RAD51B: variants seen among roughly 807,000 people sequenced by gnomAD.
RAD51B encodes RAD51 paralog B, also known as DNA repair protein RAD51 homolog 2.
RAD51B carries 38 observed loss-of-function variants against 42.2 expected under a neutral mutation model. That is an observed-to-expected ratio of 0.90 (90% CI 0.70 to 1.18). The LOEUF (loss-of-function observed/expected upper bound fraction) is 1.18, where lower values mean the gene tolerates loss of function less well. Ranked by LOEUF, RAD51B falls within the 50% of genes most tolerant of loss-of-function variation. The probability of loss-of-function intolerance (pLI) is 0.00; values close to 1 mark genes in which losing one functional copy is unlikely to be tolerated. For missense variants in RAD51B, 373 were observed against 400.7 expected, an observed-to-expected ratio of 0.93 and a Z score of 0.59; for synonymous variants, 154 against 145.2, an observed-to-expected ratio of 1.06 and a Z score of -0.43.
intron 11 of RAD51B, among the ~76,000 whole-genome samples, chr14:68,661,489 C>G (rs1263064675): frequency 1.3e-5 from 2 of 152,168 alleles, no homozygotes; most frequent in Non-Finnish European, 2.9e-5. Context: ...ATCTGCCAGA[C>G]CCCAAAGCCC....
Position 67,835,071 on chromosome 14 carries a change from C to G in RAD51B, c.199-9C>G. ...GGTTGAAAAAAAACTTAATCATTTT[C>G]TTGTTTAGGCTTATGGGATAAAAGC... is the stretch of plus-strand genomic sequence containing the variant. On this transcript the variant is annotated splice_polypyrimidine_tract_variant and intron_variant, in intron 3 of 10. Transcript: ENST00000471583. The G allele has an allele frequency of 6.3e-7, 1 of 1,583,868 alleles. No homozygotes were observed. Among genetic ancestry groups the G allele is most frequent in the Non-Finnish European group, 8.6e-7 (1 of 1,156,270 alleles).
intron 7 of RAD51B, among the ~76,000 whole-genome samples, chr14:68,198,122 G>A (rs116482315): frequency 0.013 from 1,990 of 152,130 alleles, 36 homozygotes; most frequent in African/African-American, 0.044. Flanking sequence ...ATCTCTATGT[G>A]TGTCATGAGG....
chr14:67,941,428 A>G (rs1238985248), intron 7 of RAD51B, among the ~76,000 whole-genome samples: 1 of 152,044 alleles, frequency 6.6e-6, no homozygotes, highest in Non-Finnish European at 1.5e-5. Flanking sequence ...TAGGGGGAAG[A>G]TTTTGCTTTT....
At chr14:68,132,985 C>T (rs780849298) in intron 7 of RAD51B, among the ~76,000 whole-genome samples, 7 of 151,974 alleles carry the variant, frequency 4.6e-5, no homozygotes, top group Non-Finnish European at 7.4e-5. Context: ...GGACTGATCT[C>T]GGGATGGAAA....
intron 7 of RAD51B, among the ~76,000 whole-genome samples, chr14:67,978,411 G>GT (rs1412998586): frequency 6.8e-6 from 1 of 146,088 alleles, no homozygotes; most frequent in African/African-American, 2.4e-5. Context: ...CAGCCTCTGC[G>GT]TTTTTTCCTC....
chr14:68,094,264 A>T (rs2077153376), intron 7 of RAD51B, among the ~76,000 whole-genome samples: 1 of 152,110 alleles, frequency 6.6e-6, no homozygotes, highest in Non-Finnish European at 1.5e-5. Flanking sequence ...TTATTTTCTG[A>T]CGTTTTGTTT....
intron 7 of RAD51B, among the ~76,000 whole-genome samples, chr14:68,026,552 A>C (rs1396559501): frequency 1.3e-5 from 2 of 152,076 alleles, no homozygotes; most frequent in Non-Finnish European, 2.9e-5. Flanking sequence ...GTATATATTT[A>C]GGATAGTTAA....
chr14:68,077,197 T>G (rs2076847699), intron 7 of RAD51B, among the ~76,000 whole-genome samples: 1 of 152,170 alleles, frequency 6.6e-6, no homozygotes, highest in Non-Finnish European at 1.5e-5. Flanking sequence ...TCATAAGATA[T>G]TTATTAGATT....
chr14:68,342,450 G>A (rs11846080), intron 8 of RAD51B, among the ~76,000 whole-genome samples: 125 of 152,200 alleles, frequency 8.2e-4, no homozygotes, highest in African/African-American at 2.9e-3. Flanking sequence ...GAAGCACTTC[G>A]CACATTCAGA....
chr14:68,607,624 G>T (rs1397811883), intron 10 of RAD51B, among the ~76,000 whole-genome samples: 1 of 151,362 alleles, frequency 6.6e-6, no homozygotes, highest in East Asian at 2.0e-4. Flanking sequence ...TTACAACTTT[G>T]CTCCTGGATT....
chr14:68,353,778 G>C (rs2082838560), intron 8 of RAD51B, among the ~76,000 whole-genome samples: 1 of 152,198 alleles, frequency 6.6e-6, no homozygotes, highest in Admixed American at 6.5e-5. Flanking sequence ...GTTTCGTTTA[G>C]AATTTTTCTA....
At chr14:68,024,934 C>T (rs1465249864) in intron 7 of RAD51B, among the ~76,000 whole-genome samples, 1 of 151,938 alleles carries the variant, frequency 6.6e-6, no homozygotes, top group Non-Finnish European at 1.5e-5. Flanking sequence ...TTCCAGTTCT[C>T]AAGGGGAATT....
At chr14:68,611,340 T>C (rs2140107981) in exon 11 of RAD51B, 1 of 670,404 alleles carries the variant, frequency 1.5e-6, no homozygotes, top group Admixed American at 2.1e-5. Flanking sequence ...GGAAGTTGCT[T>C]CCTTGTCCCT....
chr14:68,519,346 C>G (rs1886407029), intron 10 of RAD51B, among the ~76,000 whole-genome samples: 1 of 152,178 alleles, frequency 6.6e-6, no homozygotes, highest in Non-Finnish European at 1.5e-5. Flanking sequence ...GGAGGTAGAG[C>G]CTGGGGAAAT....
intron 4 of RAD51B, among the ~76,000 whole-genome samples, chr14:67,854,957 C>G (rs1238157109): frequency 2.0e-5 from 3 of 152,156 alleles, no homozygotes; most frequent in African/African-American, 4.8e-5. Flanking sequence ...GATCCTGTAT[C>G]TTAAAAAACT....
intron 7 of RAD51B, among the ~76,000 whole-genome samples, chr14:67,962,115 G>T (rs1276955596): frequency 1.3e-5 from 2 of 152,186 alleles, no homozygotes; most frequent in Admixed American, 6.5e-5. Context: ...GAATACAATA[G>T]AGGTGACTAA....
At chr14:68,294,945 C>G (rs1458879032) in intron 8 of RAD51B, among the ~76,000 whole-genome samples, 2 of 152,126 alleles carry the variant, frequency 1.3e-5, no homozygotes, top group African/African-American at 4.8e-5. Flanking sequence ...TGTGTGCAAA[C>G]CAGTGAGAAT....
chr14:68,206,837 G>A (rs1357415635), intron 7 of RAD51B, among the ~76,000 whole-genome samples: 2 of 147,758 alleles, frequency 1.4e-5, no homozygotes, highest in South Asian at 2.1e-4. Flanking sequence ...TCACCCAGGC[G>A]GTTATGCAGT....
chr14:68,595,598 C>G, exon 11 of RAD51B: 1 of 1,065,838 alleles, frequency 9.4e-7, no homozygotes, highest in Non-Finnish European at 1.1e-6. Context: ...AACAAGGGAG[C>G]AGCCTGAGTC....
Sources: gnomAD v4.1 joint callset for allele counts (sites outside exome capture counted in the v4.1 genomes callset) on GRCh38, gnomAD v4.1.1 for gene constraint, MANE v1.5 for transcripts, NCBI Gene and HGNC (gene_info 2026-07-23, HGNC 2026-07-21) for gene names.